The following CACNA2D3 variants were observed in gnomAD, a reference collection of about 807,000 sequenced individuals.
CACNA2D3 encodes calcium voltage-gated channel auxiliary subunit alpha2delta 3.
CACNA2D3 carries 60 observed loss-of-function variants against 160.6 expected under a neutral mutation model. The observed-to-expected ratio is 0.37, with a 90% CI of 0.30 to 0.46. The LOEUF is 0.46. CACNA2D3 is among the 20% of genes least tolerant of loss of function. The probability of loss-of-function intolerance (pLI) is 1.00; values close to 1 mark genes in which losing one functional copy is unlikely to be tolerated. For synonymous variants in CACNA2D3, 558 were observed against 492.9 expected, an observed-to-expected ratio of 1.13 and a Z score of -1.75; for missense variants, 1,205 against 1,365.0, an observed-to-expected ratio of 0.88 and a Z score of 1.85.
chr3:54,918,332 C>CTTTTTTTTTT lies in CACNA2D3; in HGVS notation c.2449+18478_2449+18487dup, dbSNP rs533596688. The stretch of plus-strand genomic sequence containing the variant: ...TTTTACAGACACATCTTTTTTTTTT[C>CTTTTTTTTTT]TTTTTTTTTTTTTTTTTTTTTTTGT... On this transcript the variant is annotated intron_variant, in intron 27 of 37. Coordinates refer to ENST00000474759, the MANE Select transcript of CACNA2D3 (RefSeq NM_018398.3). The CTTTTTTTTTT allele has an allele frequency of 4.0e-3, 910 of 227,998 alleles. 215 individuals are homozygous for CTTTTTTTTTT. Among genetic ancestry groups the CTTTTTTTTTT allele is most frequent in the South Asian group, 6.6e-3 (115 of 17,326 alleles). The allele number at this position is 227,998 out of a possible 1,614,324, so 14.1% of individuals were successfully genotyped here.
chr3:54,676,348 A>G (rs1017861524), intron 11 of CACNA2D3, among the ~76,000 whole-genome samples: 1 of 151,958 alleles, frequency 6.6e-6, no homozygotes, highest in Non-Finnish European at 1.5e-5. Flanking sequence ...TTGTGTTTAC[A>G]CCTGGTGGGA....
At chr3:54,987,525 A>G (rs569309556) in intron 30 of CACNA2D3, among the ~76,000 whole-genome samples, 158 bp from the exon 31 acceptor site, 80 of 152,248 alleles carry the variant, frequency 5.3e-4, no homozygotes, top group African/African-American at 1.7e-3. Context: ...GTGTAATCCC[A>G]TGAGTTCTCA....
At chr3:54,620,091 T>C (rs1312199168) in intron 9 of CACNA2D3, among the ~76,000 whole-genome samples, 2 of 152,174 alleles carry the variant, frequency 1.3e-5, no homozygotes, top group African/African-American at 4.8e-5. Flanking sequence ...AGCACAGTAG[T>C]AGTGGGACCA....
chr3:54,893,715 A>G (rs1003706223), intron 25 of CACNA2D3, among the ~76,000 whole-genome samples: 1 of 152,124 alleles, frequency 6.6e-6, no homozygotes, highest in Admixed American at 6.5e-5. Context: ...ATTTCATCCC[A>G]TACCCCCGCC....
chr3:54,697,438 T>G (rs1700685182), intron 11 of CACNA2D3, among the ~76,000 whole-genome samples: 1 of 152,224 alleles, frequency 6.6e-6, no homozygotes. Context: ...CGCCTTCATT[T>G]GGCTGAACGA....
At chr3:55,065,487 C>T (rs563547584) in intron 35 of CACNA2D3, among the ~76,000 whole-genome samples, 52 of 152,260 alleles carry the variant, frequency 3.4e-4, no homozygotes, top group South Asian at 2.5e-3. Context: ...AGTATTCATG[C>T]AAAGAGGTAT....
intron 4 of CACNA2D3, among the ~76,000 whole-genome samples, chr3:54,476,954 T>C (rs937938869): frequency 6.6e-6 from 1 of 152,178 alleles, no homozygotes; most frequent in African/African-American, 2.4e-5. Context: ...CCATATCTGG[T>C]TGTAAAGAAA....
rs1314446075 is a variant in CACNA2D3, at chr3:54,846,459, A to G, written c.1618A>G (p.Arg540Gly). The G allele has an allele frequency of 6.3e-7, 1 of 1,592,302 alleles. No individual in the cohort carries two copies. The highest frequency in any genetic ancestry group is 2.2e-5 in the East Asian group (1 of 44,576). Residue 540 changes from arginine to glycine, a missense_variant, in exon 17 of 38, where the codon AGG becomes GGG. By Grantham distance (125) the Arg-to-Gly change is moderately radical. This residue lies in a region of CACNA2D3 where 911 missense variants were observed against 1,002.2 expected (regional missense o/e 0.91). Transcript: ENST00000474759. ...NGYILTHPEL[R>G]LLYEEGKKRR... ...ATATATCCTGACGCATCCGGAACTC[A>G]GGCTGCTGGTAAGAGAAATTATGTA...
chr3:54,131,756 A>AT (rs201127084), intron 2 of CACNA2D3, among the ~76,000 whole-genome samples: 13,123 of 148,234 alleles, frequency 0.089, 937 homozygotes, highest in African/African-American at 0.2. Context: ...AGGGAGGTGG[A>AT]TTTTTTTTTT....
chr3:55,001,396 C>T (rs564736556), intron 31 of CACNA2D3, among the ~76,000 whole-genome samples: 1 of 152,338 alleles, frequency 6.6e-6, no homozygotes, highest in South Asian at 2.1e-4. Context: ...ATACTTATAA[C>T]AGCAGCTATA....
intron 4 of CACNA2D3, among the ~76,000 whole-genome samples, chr3:54,391,157 G>T (rs750599110): frequency 6.6e-6 from 1 of 152,198 alleles, no homozygotes; most frequent in Non-Finnish European, 1.5e-5. Context: ...CAACATTCAT[G>T]TGCTTCAAAG....
At chr3:54,959,553 C>A (rs780701318) in intron 27 of CACNA2D3, among the ~76,000 whole-genome samples, 28 of 152,228 alleles carry the variant, frequency 1.8e-4, no homozygotes, top group Non-Finnish European at 3.1e-4. Flanking sequence ...AGAAACTTGA[C>A]CCCCAATTTT....
chr3:54,280,068 G>GTTTGTTTA (rs1358723713), intron 2 of CACNA2D3, among the ~76,000 whole-genome samples: 2 of 135,356 alleles, frequency 1.5e-5, no homozygotes, highest in African/African-American at 2.7e-5. Flanking sequence ...TTGTTTGTTT[G>GTTTGTTTA]TTTATTTATT....
intron 11 of CACNA2D3, among the ~76,000 whole-genome samples, chr3:54,659,518 G>C (rs1187404325): frequency 6.6e-6 from 1 of 152,118 alleles, no homozygotes; most frequent in Non-Finnish European, 1.5e-5. Context: ...AATCTCTGGG[G>C]GTAGACAGAG....
At position 55,044,766 on chromosome 3, in the gene CACNA2D3, T is replaced by C. The variant is rs542297657; in HGVS notation, c.2987+26449T>C. On this transcript the variant is annotated intron_variant, in intron 35 of 37. Coordinates refer to ENST00000474759, the MANE Select transcript of CACNA2D3 (RefSeq NM_018398.3). ...ACTGTTTGTTTATTTCAACATCCTT[T>C]ATCAAGTTAAGGGAGTTCCTTCTGT... Among the ~76,000 whole-genome samples the C allele has an allele frequency of 7.2e-5, 11 of 152,310 alleles. No individual in the cohort carries two copies. The South Asian group carries it at 2.1e-3, about 29-fold the overall frequency.
At chr3:54,837,687 T>G (rs1698725495) in intron 15 of CACNA2D3, among the ~76,000 whole-genome samples, 1 of 152,094 alleles carries the variant, frequency 6.6e-6, no homozygotes, top group South Asian at 2.1e-4. Flanking sequence ...AGGGAAGAAT[T>G]TCTCCTTGCC....
intron 2 of CACNA2D3, among the ~76,000 whole-genome samples, chr3:54,195,753 G>A (rs1359176093): frequency 6.6e-6 from 1 of 152,102 alleles, no homozygotes; most frequent in East Asian, 1.9e-4. Flanking sequence ...GGACACCGTT[G>A]GTGTTTAATG....
At chr3:54,340,456 G>A (rs1704491681) in intron 3 of CACNA2D3, among the ~76,000 whole-genome samples, 1 of 152,070 alleles carries the variant, frequency 6.6e-6, no homozygotes, top group Admixed American at 6.6e-5. Context: ...ATTTTGTCAA[G>A]GTCAGGCTGA....
intron 2 of CACNA2D3, among the ~76,000 whole-genome samples, chr3:54,231,724 TG>T (rs1398431213): frequency 6.6e-6 from 1 of 152,238 alleles, no homozygotes; most frequent in Non-Finnish European, 1.5e-5. Flanking sequence ...AATGAATGAA[TG>T]TTTTTCACAA....
Sources: allele counts gnomAD v4.1 joint callset (sites outside exome capture counted in the v4.1 genomes callset), GRCh38; gene constraint gnomAD v4.1.1; regional missense constraint gnomAD v4.1.1; transcripts MANE v1.5; gene names NCBI Gene and HGNC (gene_info 2026-07-23, HGNC 2026-07-21).